Variants in NCKAP5 observed in about 807,000 individuals in gnomAD.
The protein encoded by NCKAP5 is NCK associated protein 5, also known as nck-associated protein 5.
Under a neutral mutation model 167.0 loss-of-function variants are expected in NCKAP5, and 92 were observed. The ratio of observed to expected loss-of-function variants is 0.55; its 90% CI spans 0.47 to 0.66. The LOEUF (loss-of-function observed/expected upper bound fraction) is 0.66. Ranked by LOEUF, NCKAP5 falls within the 30% of genes least tolerant of loss-of-function variation. The pLI is 0.00. For synonymous variants in NCKAP5, 891 were observed against 877.4 expected (o/e 1.02, Z -0.27); for missense variants, 2,378 against 2,315.0 (o/e 1.03, Z -0.56).
intron 2 of NCKAP5, among the ~76,000 whole-genome samples, chr2:133,521,829 C>T (rs1684502074): frequency 6.6e-6 from 1 of 152,202 alleles, no homozygotes; most frequent in South Asian, 2.1e-4. Context: ...CAGTCCATAA[C>T]AGTTATTTTC....
chr2:133,557,749 G>A (rs1250979006), intron 2 of NCKAP5, among the ~76,000 whole-genome samples: 1 of 152,212 alleles, frequency 6.6e-6, no homozygotes, highest in East Asian at 1.9e-4. Context: ...AACATCTGTT[G>A]TGAGGACACA....
chr2:132,923,282 T>C (rs1030490349), intron 8 of NCKAP5, among the ~76,000 whole-genome samples: 4 of 152,210 alleles, frequency 2.6e-5, no homozygotes, highest in African/African-American at 7.2e-5. Flanking sequence ...ATATCAGAGA[T>C]TAATTGATCA....
chr2:132,856,659 G>A (rs1689494135), intron 11 of NCKAP5, among the ~76,000 whole-genome samples: 1 of 152,132 alleles, frequency 6.6e-6, no homozygotes, highest in South Asian at 2.1e-4. Flanking sequence ...TCCCAAACAA[G>A]TAAAAGACAG....
chr2:132,838,707 T>C (rs1025883203), intron 11 of NCKAP5, among the ~76,000 whole-genome samples: 4 of 152,170 alleles, frequency 2.6e-5, no homozygotes, highest in African/African-American at 9.7e-5. Flanking sequence ...TGTTTCTCTC[T>C]TGTGGGCTAA....
intron 3 of NCKAP5, among the ~76,000 whole-genome samples, chr2:133,373,401 T>A (rs144210860): frequency 6.6e-6 from 1 of 152,304 alleles, no homozygotes; most frequent in African/African-American, 2.4e-5. Context: ...ACAACTCTGA[T>A]GAAAAAAATC....
intron 8 of NCKAP5, among the ~76,000 whole-genome samples, chr2:132,933,643 TA>T (rs1269459264): frequency 6.6e-6 from 1 of 152,216 alleles, no homozygotes; most frequent in Non-Finnish European, 1.5e-5. Context: ...TGATCCCAAT[TA>T]AAATTCTTCA....
chr2:133,392,119 A>C lies in NCKAP5; in HGVS notation c.70-89009T>G, dbSNP rs1687451590. Reference sequence around the variant, plus strand: ...TACATCTCAAATTACATCTACAGTTATGGGCTGCATATGGACACTTGGATC... The same window carrying C: ...TACATCTCAAATTACATCTACAGTTCTGGGCTGCATATGGACACTTGGATC... On this transcript the variant is annotated intron_variant, in intron 3 of 19. Coordinates refer to ENST00000409261, the MANE Select transcript of NCKAP5 (RefSeq NM_207363.3). 3.9e-5 allele frequency among the ~76,000 whole-genome samples: 6 copies of C among 152,354 alleles called. No homozygotes were observed. The South Asian group carries it at 1.2e-3, about 32-fold the overall frequency.
At position 133,364,009 on chromosome 2, in the gene NCKAP5, C is replaced by T. The variant is rs114462031; in HGVS notation, c.70-60899G>A. Among the ~76,000 whole-genome samples, 399 of 152,194 alleles carry T rather than the reference C, an allele frequency of 2.6e-3. 3 individuals are homozygous for T. Among genetic ancestry groups the T allele is most frequent in the African/African-American group, 8.8e-3 (364 of 41,538 alleles). ...TTTAGCCACTGTGATAACTACTTAC[C>T]AAATATTATTTCATTTAATCCCTCA... On this transcript the variant is annotated intron_variant, in intron 3 of 19. Coordinates refer to ENST00000409261, the MANE Select transcript of NCKAP5 (RefSeq NM_207363.3).
At chr2:133,148,434 T>A (rs1027614784) in intron 5 of NCKAP5, among the ~76,000 whole-genome samples, 9 of 152,150 alleles carry the variant, frequency 5.9e-5, no homozygotes, top group African/African-American at 2.2e-4. Context: ...CTCTTAATGT[T>A]CAATTTTTAC....
chr2:133,164,109 A>G (rs2083907907), intron 5 of NCKAP5, among the ~76,000 whole-genome samples: 1 of 152,198 alleles, frequency 6.6e-6, no homozygotes, highest in African/African-American at 2.4e-5. Flanking sequence ...CGAGAAGTCA[A>G]TTTTCAAACA....
chr2:132,823,810 G>C (rs956057636), intron 11 of NCKAP5, among the ~76,000 whole-genome samples: 12 of 152,282 alleles, frequency 7.9e-5, no homozygotes, highest in African/African-American at 2.6e-4. Flanking sequence ...GTCTTTAAGA[G>C]ACTCACCTAA....
At position 132,784,492 on chromosome 2, in the gene NCKAP5, C is replaced by A. The variant is rs1284969975; in HGVS notation, c.2319G>T (p.Leu773=). 4 of 1,574,560 alleles carry A rather than the reference C, an allele frequency of 2.5e-6. No homozygotes were observed. Among genetic ancestry groups the A allele is most frequent in the Middle Eastern group, 1.7e-4 (1 of 5,848 alleles). Residue 773 remains leucine (L), a synonymous_variant, in exon 14 of 20, where the codon CTG becomes CTT. Transcript: ENST00000409261. ...TVTQNPQQQK[L]VKPTHNISCQ... ...ATGATATATTGTGTGTTGGTTTGAC[C>A]AGCTTTTGCTGCTGAGGATTTTGTG...
At chr2:133,338,802 G>GT (rs1164171120) in intron 3 of NCKAP5, among the ~76,000 whole-genome samples, 3 of 152,078 alleles carry the variant, frequency 2.0e-5, no homozygotes, top group Admixed American at 6.5e-5. Context: ...GAGGTCAGAA[G>GT]TTTGAGACCA....
chr2:133,668,646 T>TA, the NCKAP5 span, among the ~76,000 whole-genome samples: 1 of 152,152 alleles, frequency 6.6e-6, no homozygotes. Flanking sequence ...CTTGTCTTTT[T>TA]ATAGTTGAGT....
upstream of NCKAP5, among the ~76,000 whole-genome samples, chr2:133,570,613 T>G (rs1233326705): frequency 6.6e-6 from 1 of 152,216 alleles, no homozygotes; most frequent in African/African-American, 2.4e-5. Context: ...ATGATTAAAG[T>G]TCAGTGCTCA....
chr2:133,454,425 C>T (rs1559496342), intron 3 of NCKAP5, among the ~76,000 whole-genome samples: 1 of 151,952 alleles, frequency 6.6e-6, no homozygotes. Flanking sequence ...GCTCTAAGTG[C>T]CTTTGAGATG....
chr2:133,608,061 C>T, the NCKAP5 span, among the ~76,000 whole-genome samples: 1 of 152,104 alleles, frequency 6.6e-6, no homozygotes, highest in Admixed American at 6.6e-5. Flanking sequence ...TCAACAAATA[C>T]CTAATGTGAA....
intron 3 of NCKAP5, among the ~76,000 whole-genome samples, chr2:133,431,297 T>C (rs910770661): frequency 3.3e-5 from 5 of 152,280 alleles, no homozygotes; most frequent in South Asian, 4.1e-4. Flanking sequence ...ATGTTTTATA[T>C]ATTTAAACTG....
chr2:133,219,624 C>T (rs906746710), intron 4 of NCKAP5, among the ~76,000 whole-genome samples: 4 of 151,768 alleles, frequency 2.6e-5, no homozygotes, highest in African/African-American at 9.7e-5. Flanking sequence ...TAAAACACAA[C>T]AAATAAGGGA....
Sources: allele counts gnomAD v4.1 joint callset (sites outside exome capture counted in the v4.1 genomes callset), GRCh38; gene constraint gnomAD v4.1.1; transcripts MANE v1.5; gene names NCBI Gene and HGNC (gene_info 2026-07-23, HGNC 2026-07-21).